ZNF536: variants seen among roughly 807,000 people sequenced by gnomAD.
ZNF536 encodes zinc finger protein 536.
ZNF536 carries 13 observed loss-of-function variants against 84.5 expected under a neutral mutation model. The ratio of observed to expected loss-of-function variants is 0.15; its 90% confidence interval spans 0.10 to 0.24. The LOEUF is 0.24. Among genes scored for constraint, ZNF536 ranks in the 10% least tolerant of loss-of-function variants. ZNF536 has a pLI of 1.00. For synonymous variants in ZNF536, 811 were observed against 742.5 expected, an observed-to-expected ratio of 1.09 and a Z score of -1.50; for missense variants, 1,536 against 1,747.5, an observed-to-expected ratio of 0.88 and a Z score of 2.16.
intron 1 of ZNF536, among the ~76,000 whole-genome samples, chr19:30,413,348 A>C (rs1432144745): frequency 6.6e-6 from 1 of 152,150 alleles, no homozygotes; most frequent in Non-Finnish European, 1.5e-5. Flanking sequence ...TCTATTCATT[A>C]CATTAAAGGT....
chr19:30,552,358 C>G (rs968671321), intron 4 of ZNF536, among the ~76,000 whole-genome samples: 1 of 152,078 alleles, frequency 6.6e-6, no homozygotes, highest in Non-Finnish European at 1.5e-5. Context: ...GACCTAAATC[C>G]CCACTTTCAT....
At chr19:30,353,565 CT>C (rs1240604263) in intron 3 of ZNF536, among the ~76,000 whole-genome samples, 1 of 152,092 alleles carries the variant, frequency 6.6e-6, no homozygotes, top group Non-Finnish European at 1.5e-5. Context: ...AGCACTGGGT[CT>C]CCCCTAGGCA....
intron 1 of ZNF536, among the ~76,000 whole-genome samples, chr19:30,658,571 G>A (rs2050005933): frequency 6.6e-6 from 1 of 151,930 alleles, no homozygotes; most frequent in Non-Finnish European, 1.5e-5. Context: ...GCATACACCT[G>A]GCTTTGCCTG....
chr19:30,261,095 G>A lies in ZNF536; in HGVS notation c.-189-22977G>A, dbSNP rs997539912. Reference sequence around the variant, plus strand: ...GGGCGGATCACGAGGTCAGGAGATCGAGACCATCCTGGCTAAAATGGTGAA... The same window carrying A: ...GGGCGGATCACGAGGTCAGGAGATCAAGACCATCCTGGCTAAAATGGTGAA... On this transcript the variant is annotated intron_variant, in intron 1 of 5. Transcript: ENST00000585628. 7.2e-5 allele frequency among the ~76,000 whole-genome samples: 11 copies of A among 151,914 alleles called. No homozygotes were observed. The East Asian group carries it at 1.4e-3, about 19-fold the overall frequency.
At chr19:30,250,893 T>TA (rs2024568899) in intron 1 of ZNF536, among the ~76,000 whole-genome samples, 2 of 152,082 alleles carry the variant, frequency 1.3e-5, no homozygotes, top group Non-Finnish European at 2.9e-5. Flanking sequence ...TCAAATACTT[T>TA]AAAAATAGAA....
chr19:30,389,424 A>C (rs1473832043), intron 1 of ZNF536, among the ~76,000 whole-genome samples: 1 of 152,088 alleles, frequency 6.6e-6, no homozygotes, highest in Non-Finnish European at 1.5e-5. Context: ...TGTAAAAAAA[A>C]ATTCCCTTTT....
rs1236202365 is a variant in ZNF536 at position 30,445,129 on chromosome 19, G to T, written c.1567G>T (p.Ala523Ser). ...GATGGACCCCGTGAACAGCTACCAG[G>T]CTTGGCAGCTCATGGCCAGGGGCAT... Reference protein sequence around the residue: ...AEMDPVNSYQAWQLMARGMAM... With the variant: ...AEMDPVNSYQSWQLMARGMAM... Residue 523 changes from alanine (A) to serine (S), a missense_variant, in exon 2 of 5, where the codon GCT becomes TCT. By Grantham distance (99) the Ala-to-Ser change is moderately conservative. Around this residue, in one of 8 missense-constraint regions of ZNF536, gnomAD observed 366 missense variants for 364.4 expected, o/e 1.00. Coordinates refer to ENST00000355537, the MANE Select transcript of ZNF536 (RefSeq NM_014717.3). This position sits in a 1 kb window ranked among gnomAD's most constrained non-coding sequence, Gnocchi z 4.5. The T allele has an allele frequency of 6.2e-7, 1 of 1,614,010 alleles. No homozygotes were observed. Among genetic ancestry groups the T allele is most frequent in the Non-Finnish European group, 8.5e-7 (1 of 1,180,050 alleles).
intron 1 of ZNF536, among the ~76,000 whole-genome samples, chr19:30,386,219 C>G (rs1289341121): frequency 6.6e-6 from 1 of 152,178 alleles, no homozygotes; most frequent in Non-Finnish European, 1.5e-5. Flanking sequence ...CTGCAAGAGC[C>G]AGCTGAAAAC....
At position 30,292,887 on chromosome 19, in the gene ZNF536, C is replaced by T. The variant is rs147138240; in HGVS notation, c.-120+8746C>T. 1.7e-4 allele frequency among the ~76,000 whole-genome samples: 26 copies of T among 152,290 alleles called. No homozygotes were observed. In the East Asian group the frequency reaches 3.7e-3, roughly 21 times the overall value. On this transcript the variant is annotated intron_variant, in intron 2 of 5. Coordinates refer to the ZNF536 transcript ENST00000585628. ...GTTTTAGGATGCAGGCATGTCAACA[C>T]GCACAGGATTTCCTCAGGATTAGAA...
At chr19:30,334,917 G>A (rs1341698008) in intron 2 of ZNF536, among the ~76,000 whole-genome samples, 1 of 152,220 alleles carries the variant, frequency 6.6e-6, no homozygotes, top group Non-Finnish European at 1.5e-5. Context: ...CTGGGCTCCT[G>A]TGAGAATCTA....
intron 1 of ZNF536, among the ~76,000 whole-genome samples, chr19:30,276,454 A>G (rs2145558711): frequency 6.6e-6 from 1 of 152,296 alleles, no homozygotes; most frequent in Non-Finnish European, 1.5e-5. Context: ...AAATGAGGTC[A>G]TTTCCTATTA....
chr19:30,234,855 G>C (rs1275196402), intron 1 of ZNF536, among the ~76,000 whole-genome samples: 1 of 152,066 alleles, frequency 6.6e-6, no homozygotes, highest in Non-Finnish European at 1.5e-5. Context: ...TCACAGAAAT[G>C]CCCATTCAGC....
At chr19:30,673,936 T>G (rs1199289476) in intron 1 of ZNF536, among the ~76,000 whole-genome samples, 2 of 152,216 alleles carry the variant, frequency 1.3e-5, no homozygotes, top group South Asian at 2.1e-4. Context: ...AACATTTAGA[T>G]GGACAGATGA....
chr19:30,538,711 G>A (rs545062529), intron 3 of ZNF536, among the ~76,000 whole-genome samples: 5 of 152,210 alleles, frequency 3.3e-5, no homozygotes, highest in Non-Finnish European at 7.3e-5. Flanking sequence ...CAGGGCAGAC[G>A]TTGATGGCTG....
chr19:30,245,613 C>T (rs2024214147), intron 1 of ZNF536, among the ~76,000 whole-genome samples: 2 of 152,232 alleles, frequency 1.3e-5, no homozygotes, highest in Non-Finnish European at 1.5e-5. Flanking sequence ...GTGACTCTCT[C>T]CCAGCCCACC....
At chr19:30,422,881 C>T (rs150379988) in intron 1 of ZNF536, among the ~76,000 whole-genome samples, 4,528 of 138,156 alleles carry the variant, frequency 0.033, 141 homozygotes, top group African/African-American at 0.073. Context: ...ATCCATCCAT[C>T]CATCCATGCG....
chr19:30,326,833 C>T (rs925544135), intron 2 of ZNF536, among the ~76,000 whole-genome samples: 19 of 40,192 alleles, frequency 4.7e-4, no homozygotes, highest in Middle Eastern at 0.048. Context: ...TCTAGTTGGG[C>T]GCAGTAGCCC....
chr19:30,465,631 C>G (rs2053351818), intron 2 of ZNF536, among the ~76,000 whole-genome samples: 2 of 152,190 alleles, frequency 1.3e-5, no homozygotes, highest in African/African-American at 2.4e-5. Flanking sequence ...TGGCTTAGGC[C>G]TGGAATCCTG....
At chr19:30,625,539 G>A (rs565935558) in intron 1 of ZNF536, among the ~76,000 whole-genome samples, 5 of 152,296 alleles carry the variant, frequency 3.3e-5, no homozygotes, top group East Asian at 1.9e-4. Flanking sequence ...GTTAAGAAGC[G>A]GGCAAGGTTG....
Sources: allele counts gnomAD v4.1 joint callset (sites outside exome capture counted in the v4.1 genomes callset), GRCh38; gene constraint gnomAD v4.1.1; regional missense constraint gnomAD v4.1.1; non-coding constraint Gnocchi (gnomAD v3.1); transcripts MANE v1.5; gene names NCBI Gene and HGNC (gene_info 2026-07-23, HGNC 2026-07-21).